The following SMG6 variants were observed in gnomAD, a reference collection of about 807,000 sequenced individuals.
The protein encoded by SMG6 is telomerase-binding protein EST1A.
SMG6 carries 66 observed loss-of-function variants against 142.2 expected under a neutral mutation model. That is an observed-to-expected ratio of 0.46 (90% CI 0.38 to 0.57). The LOEUF (loss-of-function observed/expected upper bound fraction) is 0.57. SMG6 is among the 20% of genes least tolerant of loss of function. The pLI, the probability that SMG6 is intolerant of heterozygous loss-of-function variation, is 0.00. For synonymous variants in SMG6, 779 were observed against 702.4 expected (o/e 1.11, Z -1.72); for missense variants, 1,793 against 1,832.0 (o/e 0.98, Z 0.39).
chr17:2,210,302 T>TA (rs2072812534), intron 10 of SMG6, among the ~76,000 whole-genome samples: 1 of 150,784 alleles, frequency 6.6e-6, no homozygotes, highest in Admixed American at 6.6e-5. Flanking sequence ...TTTTTTTTTT[T>TA]AAGAGATGGG....
At chr17:2,143,562 A>G (rs969619234) in intron 13 of SMG6, among the ~76,000 whole-genome samples, 1 of 152,222 alleles carries the variant, frequency 6.6e-6, no homozygotes, top group African/African-American at 2.4e-5. Context: ...CTAGTGGTTG[A>G]CAGGGGCTAG....
intron 13 of SMG6, among the ~76,000 whole-genome samples, chr17:2,150,763 T>C (rs1264996514): frequency 6.6e-6 from 1 of 152,208 alleles, no homozygotes; most frequent in Non-Finnish European, 1.5e-5. Flanking sequence ...TAAGATATGT[T>C]TTTAAAAATC....
chr17:2,077,273 A>G (rs2068285691), intron 15 of SMG6, among the ~76,000 whole-genome samples: 1 of 152,194 alleles, frequency 6.6e-6, no homozygotes, highest in Non-Finnish European at 1.5e-5. Flanking sequence ...TGTGGGAAAC[A>G]AGTCCAGAAA....
intron 13 of SMG6, among the ~76,000 whole-genome samples, chr17:2,126,828 G>T (rs146887076): frequency 6.6e-6 from 1 of 151,994 alleles, no homozygotes; most frequent in Admixed American, 6.6e-5. Context: ...ATGGTGGGAC[G>T]ATCACTCGAG....
chr17:2,099,679 T>A (rs942294037), intron 13 of SMG6, among the ~76,000 whole-genome samples: 2 of 152,180 alleles, frequency 1.3e-5, no homozygotes, highest in Non-Finnish European at 2.9e-5. Flanking sequence ...GAAGCTTTGT[T>A]AACGAAAACG....
At chr17:2,171,008 C>T (rs1010574749) in intron 13 of SMG6, among the ~76,000 whole-genome samples, 6 of 152,070 alleles carry the variant, frequency 3.9e-5, no homozygotes, top group Non-Finnish European at 7.4e-5. Context: ...GGCATGTTAG[C>T]GCAGACCTAT....
At chr17:2,100,037 C>CTT (rs150310662) in intron 13 of SMG6, among the ~76,000 whole-genome samples, 2,191 of 134,826 alleles carry the variant, frequency 0.016, 68 homozygotes, top group African/African-American at 0.049. Flanking sequence ...TAATTTTTAT[C>CTT]TTTTTTTTTT....
intron 8 of SMG6, among the ~76,000 whole-genome samples, chr17:2,272,072 A>G (rs574015711): frequency 6.6e-6 from 1 of 152,360 alleles, no homozygotes; most frequent in South Asian, 2.1e-4. Context: ...ATGGGAGATC[A>G]GCCCCCTGAC....
intron 6 of SMG6, among the ~76,000 whole-genome samples, chr17:2,285,010 G>A (rs756734049): frequency 6.6e-6 from 1 of 151,836 alleles, no homozygotes; most frequent in Non-Finnish European, 1.5e-5. Flanking sequence ...ACTTACAATC[G>A]GTATCTATTG....
chr17:2,074,021 G>C (rs2068188771), intron 15 of SMG6, among the ~76,000 whole-genome samples: 1 of 152,146 alleles, frequency 6.6e-6, no homozygotes, highest in Non-Finnish European at 1.5e-5. Context: ...AGCGGTTACA[G>C]TGAGCCGAGA....
Position 2,172,771 on chromosome 17 carries a change from G to A in SMG6, c.3244C>T (p.Pro1082Ser). ...ATAAGAAGGGTGAGGTCATCATCCG[G>A]GTCCTTGTACAGTGGCACCTCAGAC... ...NQSEVPLYKD[P>S]DDDLTLLILE... The change falls in exon 13 of 19, where the codon CCG (proline) becomes TCG (serine). Residue 1082 changes from proline to serine, a missense_variant. Coordinates refer to ENST00000263073, the MANE Select transcript of SMG6 (RefSeq NM_017575.5). 6.2e-7 allele frequency: 1 copy of A among 1,614,138 alleles called. No individual in the cohort carries two copies. The highest frequency in any genetic ancestry group is 8.5e-7 in the Non-Finnish European group (1 of 1,180,016).
At chr17:2,062,340 G>A (rs1440279878) in intron 18 of SMG6, 4 of 152,256 alleles carry the variant, frequency 2.6e-5, no homozygotes, top group Non-Finnish European at 5.9e-5. Flanking sequence ...GAAGACCTGT[G>A]TATCCTTCCA....
intron 10 of SMG6, among the ~76,000 whole-genome samples, chr17:2,205,565 T>A (rs1257287641): frequency 1.3e-5 from 2 of 152,056 alleles, no homozygotes; most frequent in African/African-American, 4.8e-5. Context: ...CAGCCTACCA[T>A]AAACGGACTT....
chr17:2,264,689 C>G (rs1339699953), intron 8 of SMG6, among the ~76,000 whole-genome samples: 2 of 151,978 alleles, frequency 1.3e-5, no homozygotes, highest in Non-Finnish European at 2.9e-5. Flanking sequence ...ATCGCTTGAG[C>G]CCAGGAGTTT....
At chr17:2,216,751 C>A (rs577977683) in intron 10 of SMG6, among the ~76,000 whole-genome samples, 2 of 152,212 alleles carry the variant, frequency 1.3e-5, no homozygotes, top group South Asian at 4.1e-4. Flanking sequence ...AGTCTCTTGT[C>A]CCCATGGAGA....
rs1340281531 is a variant in SMG6 at position 2,124,090 on chromosome 17, GAAC to G, written c.3358-38192_3358-38190del. Among the ~76,000 whole-genome samples the G allele has an allele frequency of 3.3e-5, 5 of 152,166 alleles. No individual in the cohort carries two copies. The East Asian group carries it at 7.7e-4, about 23-fold the overall frequency. On this transcript the variant is annotated intron_variant, in intron 13 of 18. Coordinates refer to ENST00000263073, the MANE Select transcript of SMG6 (RefSeq NM_017575.5). ...TGAATCCAAGAGGAATATCATTCCA[GAAC>G]AACAACCCAGGAGAGAGAGAGGAGA...
chr17:2,175,598 C>T (rs901859038), intron 12 of SMG6, among the ~76,000 whole-genome samples: 2 of 152,118 alleles, frequency 1.3e-5, no homozygotes, highest in Non-Finnish European at 2.9e-5. Context: ...GCCTTTTTGC[C>T]CATTACCACC....
intron 13 of SMG6, among the ~76,000 whole-genome samples, chr17:2,154,095 G>C (rs1218759447): frequency 2.5e-5 from 3 of 118,862 alleles, no homozygotes; most frequent in Middle Eastern, 7.8e-3. Flanking sequence ...GGGGATGCAT[G>C]TAGAGTGTGA....
chr17:2,137,719 T>C (rs1034587138), intron 13 of SMG6, among the ~76,000 whole-genome samples: 22 of 152,058 alleles, frequency 1.4e-4, no homozygotes, highest in African/African-American at 3.4e-4. Flanking sequence ...TTGATGGGAA[T>C]TGAAAGTCTT....
Sources: allele counts gnomAD v4.1 joint callset (sites outside exome capture counted in the v4.1 genomes callset), GRCh38; gene constraint gnomAD v4.1.1; transcripts MANE v1.5; gene names NCBI Gene and HGNC (gene_info 2026-07-23, HGNC 2026-07-21).